The following SLC46A1 variants were observed in gnomAD, a reference collection of about 807,000 sequenced individuals.
SLC46A1 encodes the protein proton-coupled folate transporter.
Under a neutral mutation model 32.1 loss-of-function variants are expected in SLC46A1, and 17 were observed. The ratio of observed to expected loss-of-function variants is 0.53; its 90% CI spans 0.36 to 0.79. SLC46A1 has a LOEUF of 0.79. Ranked by LOEUF, SLC46A1 falls within the 30% of genes least tolerant of loss-of-function variation. The pLI, the probability that SLC46A1 is intolerant of heterozygous loss-of-function variation, is 0.00. For missense variants in SLC46A1, 517 were observed against 588.2 expected, an observed-to-expected ratio of 0.88 and a Z score of 1.25; for synonymous variants, 240 against 262.7, an observed-to-expected ratio of 0.91 and a Z score of 0.84.
rs1555591061 is a variant in SLC46A1 at position 28,405,436 on chromosome 17, G to A, written c.261C>T (p.Leu87=). ...CCAGGAAGCCGCCCACGTTCATGTA[G>A]AGGGTCCAGTGGGAGGTAAGGGTCT... ...EVETLTSHWT[L]YMNVGGFLVG... is the part of the protein sequence containing the mutation. The change falls in exon 2 of 5, where the codon CTC becomes CTT. Residue 87 remains leucine (L), a synonymous_variant. Transcript: ENST00000612814. The A allele has an allele frequency of 1.3e-6, 2 of 1,595,906 alleles. No individual in the cohort carries two copies. The highest frequency in any genetic ancestry group is 3.5e-5 in the Admixed American group (2 of 57,592).
rs782370729 is a variant in SLC46A1 at position 28,396,053 on chromosome 17, G to T, written c.*3603C>A. On this transcript the variant is annotated 3_prime_UTR_variant, in exon 5 of 5. Transcript: ENST00000612814. Reference sequence around the variant, plus strand: ...TGAGCCCCAGGGCCCTGGGACCAGGGGGGTAGGGTACAAATCACCATGACA... The same window carrying T: ...TGAGCCCCAGGGCCCTGGGACCAGGTGGGTAGGGTACAAATCACCATGACA... 1.2e-6 allele frequency: 2 copies of T among 1,613,568 alleles called. No homozygotes were observed. Among genetic ancestry groups the T allele is most frequent in the Non-Finnish European group, 1.7e-6 (2 of 1,179,776 alleles).
At chr17:28,405,597 C>G in intron 1 of SLC46A1, 129 bp from the exon 2 acceptor site, 1 of 1,390,286 alleles carries the variant, frequency 7.2e-7, no homozygotes, top group Non-Finnish European at 9.7e-7. Flanking sequence ...AATCTTAGCA[C>G]AGCTTTCAAA....
At position 28,399,441 on chromosome 17, in the gene SLC46A1, G is replaced by A; in HGVS notation, c.*215C>T. On this transcript the variant is annotated 3_prime_UTR_variant, in exon 5 of 5. Transcript: ENST00000612814. ...TCCTCTGCCACCTGTCCTGCAGTGGGCCTGTGTGGGTTATGATTCTAGATC... is the reference window on the plus strand; with the variant it reads ...TCCTCTGCCACCTGTCCTGCAGTGGACCTGTGTGGGTTATGATTCTAGATC... The A allele has an allele frequency of 1.7e-6, 1 of 584,656 alleles. No individual in the cohort carries two copies. The highest frequency in any genetic ancestry group is 3.0e-6 in the Non-Finnish European group (1 of 327,870). 36.2% of individuals were successfully genotyped at this position (584,656 alleles called of 1,614,324 possible).
chr17:28,396,817 GC>G lies in SLC46A1; in HGVS notation c.*2838del, dbSNP rs2068130831. On this transcript the variant is annotated 3_prime_UTR_variant, in exon 5 of 5. Coordinates refer to ENST00000612814, the MANE Select transcript of SLC46A1 (RefSeq NM_080669.6). ...CAACTTCCTGCCGCTCTGTGGCCTT[GC>G]CCTGTAATCACTCAGTGCCCTTAGC... 1 of 155,210 alleles carries G rather than the reference GC, an allele frequency of 6.4e-6. No homozygotes were observed. The highest frequency in any genetic ancestry group is 1.4e-5 in the Non-Finnish European group (1 of 70,022). 9.6% of individuals were successfully genotyped at this position (155,210 alleles called of 1,614,324 possible).
Position 28,406,111 on chromosome 17 carries a change from C to T in SLC46A1, c.4G>A (p.Glu2Lys). ...TTTTCCGGGGGGCTCGCGCTCCCCTCCATGTGCGTGCGCGGCGGAGCTGTC... is the reference window on the plus strand; with the variant it reads ...TTTTCCGGGGGGCTCGCGCTCCCCTTCATGTGCGTGCGCGGCGGAGCTGTC... M[E>K]GSASPPEKPR... is the part of the protein sequence containing the mutation. Residue 2 changes from glutamate to lysine, a missense_variant, in exon 1 of 5, where the codon GAG (glutamate) becomes AAG (lysine). Glu to Lys is a moderately conservative substitution (Grantham distance 56). Coordinates refer to ENST00000612814, the MANE Select transcript of SLC46A1 (RefSeq NM_080669.6). The surrounding 1 kb of genome is among the most constrained non-coding windows in gnomAD (Gnocchi z 4.5). 1 of 1,494,780 alleles carries T rather than the reference C, an allele frequency of 6.7e-7. No individual in the cohort carries two copies. The highest frequency in any genetic ancestry group is 1.3e-5 in the South Asian group (1 of 77,090). 92.6% of individuals were successfully genotyped at this position (1,494,780 alleles called of 1,614,324 possible). A position where few individuals can be genotyped will look rare whatever the true frequency, so the allele number is the denominator to read the frequency against.
Position 28,404,433 on chromosome 17 carries a change from C to T in SLC46A1, c.1081+183G>A, listed in dbSNP as rs528693703. On this transcript the variant is annotated intron_variant, in intron 2 of 4. Coordinates refer to ENST00000612814, the MANE Select transcript of SLC46A1 (RefSeq NM_080669.6). ...TTTAGCTACTGAAGGTCTATATTTT[C>T]CATGTATCAAAGATGGCATTTTTGA... The T allele has an allele frequency of 4.2e-6, 3 of 711,068 alleles. No individual in the cohort carries two copies. The South Asian group carries it at 5.2e-5, about 12-fold the overall frequency. The allele number at this position is 711,068 out of a possible 1,614,324, so 44.0% of individuals were successfully genotyped here.
chr17:28,402,441 T>C, intron 2 of SLC46A1, 120 bp from the exon 3 acceptor site: 1 of 772,334 alleles, frequency 1.3e-6, no homozygotes, highest in Admixed American at 2.2e-5. Context: ...AGGAAGAACT[T>C]CCTTGATGGT....
In SLC46A1 at chr17:28,396,412, T is replaced by C; in HGVS notation, c.*3244A>G. On this transcript the variant is annotated 3_prime_UTR_variant, in exon 5 of 5. Coordinates refer to ENST00000612814, the MANE Select transcript of SLC46A1 (RefSeq NM_080669.6). ...GCTCTTCTTAGGAAATGGCTCTCCC[T>C]CCCCCTGTCCCCCACCCTCATGGCC... 3 of 1,023,646 alleles carry C rather than the reference T, an allele frequency of 2.9e-6. No homozygotes were observed. The highest frequency in any genetic ancestry group is 4.3e-6 in the Non-Finnish European group (3 of 691,976). The allele number at this position is 1,023,646 out of a possible 1,614,324, so 63.4% of individuals were successfully genotyped here.
rs782331635 is a variant in SLC46A1 at position 28,396,190 on chromosome 17, G to C, written c.*3466C>G. The C allele has an allele frequency of 1.9e-5, 31 of 1,614,002 alleles. No individual in the cohort carries two copies. The highest frequency in any genetic ancestry group is 2.6e-5 in the Non-Finnish European group (31 of 1,179,868). On this transcript the variant is annotated 3_prime_UTR_variant, in exon 5 of 5. Transcript: ENST00000612814. ...ACGAATACCAGGAGGCCACCATTGAGAAGATCATCCGCTTCCTGCAGGGCC... is the reference window on the plus strand; with the variant it reads ...ACGAATACCAGGAGGCCACCATTGACAAGATCATCCGCTTCCTGCAGGGCC...
rs1555587908 is a variant in SLC46A1 at position 28,396,194 on chromosome 17, A to G, written c.*3462T>C. 4.3e-6 allele frequency: 7 copies of G among 1,613,778 alleles called. No individual in the cohort carries two copies. The highest frequency in any genetic ancestry group is 5.9e-6 in the Non-Finnish European group (7 of 1,179,846). ...ATACCAGGAGGCCACCATTGAGAAGATCATCCGCTTCCTGCAGGGCCGCTC... is the reference window on the plus strand; with the variant it reads ...ATACCAGGAGGCCACCATTGAGAAGGTCATCCGCTTCCTGCAGGGCCGCTC... On this transcript the variant is annotated 3_prime_UTR_variant, in exon 5 of 5. Transcript: ENST00000612814.
chr17:28,405,164 G>A lies in SLC46A1; in HGVS notation c.533C>T (p.Thr178Ile), dbSNP rs781943932. Residue 178 changes from threonine (T) to isoleucine (I), a missense_variant, in exon 2 of 5, where the codon ACC becomes ATC. Physicochemically the swap from Thr to Ile is moderately conservative, Grantham distance 89 (BLOSUM62 -1). Coordinates refer to ENST00000612814, the MANE Select transcript of SLC46A1 (RefSeq NM_080669.6). ...VADVSSSRSR[T>I]FRMALLEASI... ...GGCTTCCAGCAGGGCCATCCGGAAG[G>A]TGCGGCTGCGACTGGAGCTGACATC... 2 of 1,610,554 alleles carry A rather than the reference G, an allele frequency of 1.2e-6. No individual in the cohort carries two copies. The highest frequency in any genetic ancestry group is 1.7e-6 in the Non-Finnish European group (2 of 1,178,422).
intron 2 of SLC46A1, chr17:28,404,238 T>C: frequency 4.0e-6 from 1 of 250,906 alleles, no homozygotes; most frequent in Non-Finnish European, 7.9e-6. Context: ...GGTCCTGTGA[T>C]TCTTATCAGA....
At position 28,396,287 on chromosome 17, in the gene SLC46A1, C is replaced by T. The variant is rs374297439; in HGVS notation, c.*3369G>A. 6.2e-7 allele frequency: 1 copy of T among 1,613,902 alleles called. No homozygotes were observed. Among genetic ancestry groups the T allele is most frequent in the Non-Finnish European group, 8.5e-7 (1 of 1,179,844 alleles). On this transcript the variant is annotated 3_prime_UTR_variant, in exon 5 of 5. Transcript: ENST00000612814. ...TGCTGCACCCATGGGTCCAACCTAA[C>T]CAGTCCCCAGTTCCCCAGCCCTGCT...
At chr17:28,402,502 G>A in intron 2 of SLC46A1, 181 bp from the exon 3 acceptor site, 2 of 538,116 alleles carry the variant, frequency 3.7e-6, no homozygotes, top group Admixed American at 6.0e-5. Context: ...CCTTGTCTGG[G>A]CTTGGCCACC....
upstream of SLC46A1, chr17:28,406,240 A>C: frequency 1.4e-5 from 10 of 704,692 alleles, no homozygotes; most frequent in Admixed American, 4.4e-5. This position sits in a 1 kb window ranked among gnomAD's most constrained non-coding sequence, Gnocchi z 4.5. Context: ...CCCTCCTTAA[A>C]TGTCCGGCGG....
At position 28,396,521 on chromosome 17, in the gene SLC46A1, T is replaced by C. The variant is rs762983414; in HGVS notation, c.*3135A>G. ...GGGAGGTTAGAACTCCCCCAGGCCC[T>C]GCCATTGGGTTGTCTGTCTCCGTCA... On this transcript the variant is annotated 3_prime_UTR_variant, in exon 5 of 5. Transcript: ENST00000612814. The C allele has an allele frequency of 6.8e-5, 38 of 561,756 alleles. No individual in the cohort carries two copies. Among genetic ancestry groups the C allele is most frequent in the Non-Finnish European group, 1.1e-4 (34 of 315,186 alleles). 34.8% of individuals were successfully genotyped at this position (561,756 alleles called of 1,614,324 possible). A position where few individuals can be genotyped will look rare whatever the true frequency, so the allele number is the denominator to read the frequency against.
At chr17:28,400,554 G>T (rs1348893694) in intron 4 of SLC46A1, 56 bp downstream of exon 4, 1 of 1,598,150 alleles carries the variant, frequency 6.3e-7, no homozygotes. Flanking sequence ...AGGAGAAGAG[G>T]AAACTTTTAA....
In SLC46A1 at chr17:28,405,873, C is replaced by T. The variant is rs1555591252; in HGVS notation, c.228+14G>A. On this transcript the variant is annotated intron_variant, in intron 1 of 4. Coordinates refer to ENST00000612814, the MANE Select transcript of SLC46A1 (RefSeq NM_080669.6). ...AGGGCCCTCCACCTGCCAGGCTCCTCGCCGCCCCGCTACCTGCATGGTGGG... is the reference window on the plus strand; with the variant it reads ...AGGGCCCTCCACCTGCCAGGCTCCTTGCCGCCCCGCTACCTGCATGGTGGG... 6.4e-7 allele frequency: 1 copy of T among 1,552,258 alleles called. No homozygotes were observed. The highest frequency in any genetic ancestry group is 8.7e-7 in the Non-Finnish European group (1 of 1,148,430).
chr17:28,404,681 A>G lies in SLC46A1; in HGVS notation c.1016T>C (p.Leu339Pro), dbSNP rs2068234707. 1.3e-5 allele frequency: 21 copies of G among 1,613,664 alleles called. No homozygotes were observed. The highest frequency in any genetic ancestry group is 1.7e-5 in the Non-Finnish European group (20 of 1,179,596). Residue 339 changes from leucine to proline, a missense_variant, in exon 2 of 5, where the codon CTG becomes CCG. Transcript: ENST00000612814. ...LADAWVAEIG[L>P]AFNILGMVVF... is the part of the protein sequence containing the mutation. ...CACCATCCCCAGGATGTTGAAGGCC[A>G]GGCCGATCTCAGCTACCCAGGCATC...
Sources: allele counts gnomAD v4.1 joint callset, GRCh38; gene constraint gnomAD v4.1.1; non-coding constraint Gnocchi (gnomAD v3.1); transcripts MANE v1.5; gene names NCBI Gene and HGNC (gene_info 2026-07-23, HGNC 2026-07-21).